Variants in FCMR observed in about 807,000 individuals in gnomAD.
FCMR encodes the protein Fc mu receptor, also known as immunoglobulin mu Fc receptor.
FCMR carries 34 observed loss-of-function variants against 41.6 expected under a neutral mutation model. The observed-to-expected ratio is 0.82, with a 90% CI of 0.62 to 1.09. The LOEUF (loss-of-function observed/expected upper bound fraction) is 1.09, where lower values mean the gene tolerates loss of function less well. FCMR is among the 50% of genes least tolerant of loss of function. The pLI is 0.00. For synonymous variants in FCMR, 209 were observed against 211.8 expected, an observed-to-expected ratio of 0.99 and a Z score of 0.12; for missense variants, 496 against 512.5, an observed-to-expected ratio of 0.97 and a Z score of 0.31.
intron 7 of FCMR, chr1:206,907,577 G>C (rs928183201): frequency 1.6e-6 from 1 of 623,696 alleles, no homozygotes; most frequent in African/African-American, 1.8e-5. Flanking sequence ...GTCTACATGC[G>C]AATTAAACAA....
In FCMR at chr1:206,909,821, C is replaced by T; in HGVS notation, c.889G>A (p.Glu297Lys). The change falls in exon 6 of 8, where the codon GAG (glutamate) becomes AAG (lysine). Residue 297 changes from glutamate (E) to lysine (K), a missense_variant. Glu to Lys is a moderately conservative substitution (Grantham distance 56). Coordinates refer to ENST00000367091, the MANE Select transcript of FCMR (RefSeq NM_005449.5). This position sits in a 1 kb window ranked among gnomAD's most constrained non-coding sequence, Gnocchi z 5.0. ...RRLAVRMRAL[E>K]SSQRPRGSPR... ...GACCCGCGGGGCCTCTGGGAGCTCT[C>T]CAGGGCGCGCATCCTCACGGCCAGT... is the stretch of plus-strand genomic sequence containing the variant. The T allele has an allele frequency of 5.0e-6, 7 of 1,409,792 alleles. No individual in the cohort carries two copies. The highest frequency in any genetic ancestry group is 3.7e-6 in the Non-Finnish European group (4 of 1,088,946). The allele number at this position is 1,409,792 out of a possible 1,614,324, so 87.3% of individuals were successfully genotyped here. A position where few individuals can be genotyped will look rare whatever the true frequency, so the allele number is the denominator to read the frequency against.
At chr1:206,921,622 G>A (rs571778045) in intron 1 of FCMR, among the ~76,000 whole-genome samples, 196 bp downstream of exon 1, 1 of 152,182 alleles carries the variant, frequency 6.6e-6, no homozygotes, top group South Asian at 2.1e-4. Context: ...TGTCTGGAGT[G>A]GAGAAAGGAG....
chr1:206,904,937 G>T lies in FCMR; in HGVS notation c.*82C>A. ...GATGAGGGCTCTGAGAACACATGAA[G>T]CAGGTATTGGACATCAGCAGATAGA... is the stretch of plus-strand genomic sequence containing the variant. On this transcript the variant is annotated 3_prime_UTR_variant, in exon 8 of 8. Transcript: ENST00000367091. The T allele has an allele frequency of 7.2e-7, 1 of 1,388,552 alleles. No homozygotes were observed. Among genetic ancestry groups the T allele is most frequent in the Non-Finnish European group, 1.0e-6 (1 of 980,634 alleles). The allele number at this position is 1,388,552 out of a possible 1,614,324, so 86.0% of individuals were successfully genotyped here.
At chr1:206,920,995 C>G (rs1476261263) in intron 1 of FCMR, among the ~76,000 whole-genome samples, 1 of 144,988 alleles carries the variant, frequency 6.9e-6, no homozygotes, top group Non-Finnish European at 1.5e-5. Flanking sequence ...GGTGAAATAG[C>G]TGGTTTGGAT....
chr1:206,908,278 C>T (rs1462656734), intron 7 of FCMR: 1 of 1,014,884 alleles, frequency 9.9e-7, no homozygotes, highest in Non-Finnish European at 1.5e-6. Flanking sequence ...CCTGCCCTTC[C>T]TCCATCGTCG....
chr1:206,906,052 A>G (rs1260659695), intron 7 of FCMR: 1 of 265,514 alleles, frequency 3.8e-6, no homozygotes, highest in Non-Finnish European at 7.9e-6. Flanking sequence ...TATAAATGTC[A>G]GTGAGGATGA....
chr1:206,919,052 G>A (rs1246984128), intron 1 of FCMR, among the ~76,000 whole-genome samples: 1 of 152,084 alleles, frequency 6.6e-6, no homozygotes, highest in East Asian at 1.9e-4. Context: ...TGGCCATGCA[G>A]GGAAAACAAC....
chr1:206,914,310 TTTCCTTCCTTCCTTCCTTCC>T (rs139221448), intron 1 of FCMR, among the ~76,000 whole-genome samples: 16,397 of 145,534 alleles, frequency 0.11, 2,482 homozygotes, highest in African/African-American at 0.34. Flanking sequence ...TTTTCTTTTC[TTTCCTTCCTTCCTTCCTTCC>T]TTCCTTCCTT....
At position 206,910,261 on chromosome 1, in the gene FCMR, G is replaced by A. The variant is rs1191697261; in HGVS notation, c.790C>T (p.Leu264=). 6.3e-7 allele frequency: 1 copy of A among 1,588,778 alleles called. No individual in the cohort carries two copies. The highest frequency in any genetic ancestry group is 2.3e-5 in the East Asian group (1 of 43,934). The part of the protein sequence containing the change: ...ILIPTILGLF[L]LALLGLVVKR... ...ACCACCAGCCCCAGAAGTGCCAGCAGGAAAAGGCCCAGGATGGTCGGGATC... is the reference window on the plus strand; with the variant it reads ...ACCACCAGCCCCAGAAGTGCCAGCAAGAAAAGGCCCAGGATGGTCGGGATC... The change falls in exon 5 of 8, where the codon CTG becomes TTG. Residue 264 remains leucine, a synonymous_variant. Transcript: ENST00000367091.
Position 206,909,575 on chromosome 1 carries a change from C to T in FCMR, c.986-55G>A. ...GCGGCCGAGGCTCCCGCCCCACCGT[C>T]ATGCTACTACTCCCAGCTCCACCCC... On this transcript the variant is annotated intron_variant, in intron 6 of 7. Transcript: ENST00000367091. This position sits in a 1 kb window ranked among gnomAD's most constrained non-coding sequence, Gnocchi z 5.0. The T allele has an allele frequency of 7.8e-7, 1 of 1,279,268 alleles. No individual in the cohort carries two copies. Among genetic ancestry groups the T allele is most frequent in the Non-Finnish European group, 1.0e-6 (1 of 998,578 alleles). The allele number at this position is 1,279,268 out of a possible 1,614,324, so 79.2% of individuals were successfully genotyped here. A position where few individuals can be genotyped will look rare whatever the true frequency, so the allele number is the denominator to read the frequency against.
chr1:206,911,039 G>C (rs969227690), intron 4 of FCMR, among the ~76,000 whole-genome samples: 1 of 152,168 alleles, frequency 6.6e-6, no homozygotes, highest in Non-Finnish European at 1.5e-5. Context: ...CCACATAGTA[G>C]AGAATAAGAA....
Position 206,914,042 on chromosome 1 carries a change from G to T in FCMR, c.90C>A (p.Gly30=), listed in dbSNP as rs756493274. 6.2e-7 allele frequency: 1 copy of T among 1,614,086 alleles called. No homozygotes were observed. Among genetic ancestry groups the T allele is most frequent in the Admixed American group, 1.7e-5 (1 of 60,018 alleles). Reference sequence around the variant, plus strand: ...GTGGGCACTTGATGGTAACTGATCCGCCCAGCTCCCCCTCTACCTTTACTT... The same window carrying T: ...GTGGGCACTTGATGGTAACTGATCCTCCCAGCTCCCCCTCTACCTTTACTT... ...LPEVKVEGEL[G]GSVTIKCPLP... The change falls in exon 2 of 8, where the codon GGC becomes GGA. Residue 30 remains glycine, a synonymous_variant. Coordinates refer to ENST00000367091, the MANE Select transcript of FCMR (RefSeq NM_005449.5).
chr1:206,915,284 T>A (rs1475235797), intron 1 of FCMR, among the ~76,000 whole-genome samples: 3 of 152,228 alleles, frequency 2.0e-5, no homozygotes, highest in Non-Finnish European at 4.4e-5. Context: ...GGGCGCCTGA[T>A]GTAGGCTGTT....
chr1:206,911,786 C>A lies in FCMR; in HGVS notation c.654G>T (p.Gly218=). The A allele has an allele frequency of 6.2e-7, 1 of 1,611,764 alleles. No individual in the cohort carries two copies. Among genetic ancestry groups the A allele is most frequent in the Non-Finnish European group, 8.5e-7 (1 of 1,179,302 alleles). ...AGCTGGGCGTCTGGGGCTTGAGCAG[C>A]CCCTCCAGAGCTGAGATTTTTGAGG... ...TTASKISALE[G]LLKPQTPSYN... The change falls in exon 4 of 8, where the codon GGG becomes GGT. Residue 218 remains glycine, a synonymous_variant. Transcript: ENST00000367091.
intron 7 of FCMR, among the ~76,000 whole-genome samples, chr1:206,907,115 G>T (rs1678695332): frequency 1.8e-5 from 1 of 55,748 alleles, no homozygotes; most frequent in African/African-American, 9.6e-5. Context: ...GGGGGGGGGT[G>T]GGGGCGGGGT....
Position 206,905,120 on chromosome 1 carries a change from G to A in FCMR, c.1072C>T (p.Pro358Ser), listed in dbSNP as rs1176517937. The A allele has an allele frequency of 6.2e-7, 1 of 1,614,112 alleles. No individual in the cohort carries two copies. Among genetic ancestry groups the A allele is most frequent in the Non-Finnish European group, 8.5e-7 (1 of 1,179,984 alleles). The change falls in exon 8 of 8, where the codon CCA (proline) becomes TCA (serine). Residue 358 changes from proline (P) to serine (S), a missense_variant. Coordinates refer to ENST00000367091, the MANE Select transcript of FCMR (RefSeq NM_005449.5). ...QVSESPWLHA[P>S]SLKTSCEYVS... Reference sequence around the variant, plus strand: ...TATTCACAGCTGGTCTTCAGAGATGGGGCATGGAGCCAGGGAGATTCAGAC... The same window carrying A: ...TATTCACAGCTGGTCTTCAGAGATGAGGCATGGAGCCAGGGAGATTCAGAC...
intron 7 of FCMR, among the ~76,000 whole-genome samples, chr1:206,907,080 CGGGGGGTG>C (rs1310801720): frequency 6.2e-4 from 16 of 25,702 alleles, no homozygotes; most frequent in South Asian, 9.9e-4. Context: ...CCGGAGAAGC[CGGGGGGTG>C]GGGGGGTGGG....
intron 1 of FCMR, 77 bp downstream of exon 1, chr1:206,921,741 G>T: frequency 7.4e-7 from 1 of 1,348,656 alleles, no homozygotes; most frequent in Non-Finnish European, 1.1e-6. Flanking sequence ...CAGAGCTAGA[G>T]CTACCAGGCA....
intron 3 of FCMR, 139 bp downstream of exon 3, chr1:206,912,790 C>G (rs12032326): frequency 0.049 from 32,215 of 659,612 alleles, 1,923 homozygotes; most frequent in Admixed American, 0.17. Flanking sequence ...TGTGCCCTCT[C>G]TAAAGGCAGG....
Sources: gnomAD v4.1 joint callset for allele counts (sites outside exome capture counted in the v4.1 genomes callset) on GRCh38, gnomAD v4.1.1 for gene constraint, Gnocchi (gnomAD v3.1) non-coding constraint, MANE v1.5 for transcripts, NCBI Gene and HGNC (gene_info 2026-07-23, HGNC 2026-07-21) for gene names.